Variants in TRPA1 observed in about 807,000 individuals in gnomAD.
The protein encoded by TRPA1 is transient receptor potential cation channel subfamily A member 1.
A neutral mutation model predicts 131.3 loss-of-function variants in TRPA1; 129 were observed. The ratio of observed to expected loss-of-function variants is 0.98; its 90% CI spans 0.85 to 1.14. TRPA1 has a LOEUF of 1.14. Ranked by LOEUF, TRPA1 falls within the 50% of genes most tolerant of loss-of-function variation. TRPA1 has a pLI of 0.00. For missense variants in TRPA1, 1,304 were observed against 1,354.2 expected, an observed-to-expected ratio of 0.96 and a Z score of 0.58; for synonymous variants, 441 against 451.7, an observed-to-expected ratio of 0.98 and a Z score of 0.30.
intron 17 of TRPA1, among the ~76,000 whole-genome samples, chr8:72,040,567 GAAAGA>G (rs1366925891): frequency 7.2e-5 from 11 of 152,106 alleles, no homozygotes; most frequent in Admixed American, 7.2e-4. Flanking sequence ...CCTGGAAAGA[GAAAGA>G]AAAGAGTGGA....
At chr8:72,024,562 C>A (rs748809139) in intron 25 of TRPA1, among the ~76,000 whole-genome samples, 10 of 152,066 alleles carry the variant, frequency 6.6e-5, no homozygotes, top group South Asian at 2.1e-4. Flanking sequence ...ATTGCACAGG[C>A]TAATGAATTG....
the TRPA1 span, among the ~76,000 whole-genome samples, chr8:72,089,668 A>G: frequency 6.6e-6 from 1 of 152,252 alleles, no homozygotes; most frequent in East Asian, 1.9e-4. Flanking sequence ...AATTCTAGAC[A>G]ACCACAGCTC....
intron 2 of TRPA1, among the ~76,000 whole-genome samples, chr8:72,069,533 C>T (rs2129436603): frequency 6.6e-6 from 1 of 152,064 alleles, no homozygotes; most frequent in African/African-American, 2.4e-5. Flanking sequence ...GAACTATGTC[C>T]CAGGCACTCT....
chr8:72,067,082 A>G (rs1805949166), intron 3 of TRPA1, among the ~76,000 whole-genome samples: 1 of 152,240 alleles, frequency 6.6e-6, no homozygotes, highest in African/African-American at 2.4e-5. Flanking sequence ...TCATTGTGCA[A>G]GAACTTGAAG....
rs557859299 is a variant in TRPA1, at chr8:72,055,567, T to C, written c.1398A>G (p.Leu466=). ...YGRINTCQRL[L]QDISDTRLLN... is the part of the protein sequence containing the mutation. ...GAAGCCTCGTATCACTTATGTCTTGTAGGAGCCTCTGACAGGTATTGATAC... is the reference window on the plus strand; with the variant it reads ...GAAGCCTCGTATCACTTATGTCTTGCAGGAGCCTCTGACAGGTATTGATAC... The change falls in exon 12 of 27, where the codon CTA becomes CTG. Residue 466 remains leucine (L), a synonymous_variant. Coordinates refer to ENST00000262209, the MANE Select transcript of TRPA1 (RefSeq NM_007332.3). 2 of 1,613,642 alleles carry C rather than the reference T, an allele frequency of 1.2e-6. No individual in the cohort carries two copies. The highest frequency in any genetic ancestry group is 2.2e-5 in the East Asian group (1 of 44,862).
At chr8:72,048,160 G>T (rs917304906) in intron 15 of TRPA1, among the ~76,000 whole-genome samples, 2 of 152,132 alleles carry the variant, frequency 1.3e-5, no homozygotes, top group Non-Finnish European at 2.9e-5. Context: ...TCTATGGTGT[G>T]TGGGAACAAC....
intron 17 of TRPA1, among the ~76,000 whole-genome samples, chr8:72,045,417 C>T (rs927907451): frequency 9.2e-5 from 14 of 151,494 alleles, no homozygotes; most frequent in African/African-American, 3.2e-4. Flanking sequence ...ATGTTTTCTA[C>T]CTGTGCAGTG....
the TRPA1 span, among the ~76,000 whole-genome samples, chr8:72,088,606 A>C: frequency 1.3e-5 from 2 of 152,110 alleles, no homozygotes; most frequent in Non-Finnish European, 2.9e-5. Flanking sequence ...GCTAATGTTC[A>C]TTGAGAGTCT....
At chr8:72,025,419 T>C (rs62519223) in intron 25 of TRPA1, among the ~76,000 whole-genome samples, 27,038 of 151,952 alleles carry the variant, frequency 0.18, 2,835 homozygotes, top group East Asian at 0.3. Flanking sequence ...TGAGGCCTCC[T>C]CAGCCATGCA....
chr8:72,030,530 G>A (rs1046547167), intron 23 of TRPA1, among the ~76,000 whole-genome samples: 7 of 152,182 alleles, frequency 4.6e-5, no homozygotes, highest in African/African-American at 1.7e-4. Context: ...GCCACATTCA[G>A]AGGTTCAGTA....
chr8:72,062,953 G>T lies in TRPA1; in HGVS notation c.662-9C>A. On this transcript the variant is annotated splice_polypyrimidine_tract_variant and intron_variant, in intron 5 of 26. Transcript: ENST00000262209. ...GTACCCATGCTCTTCACCTTGAGAA[G>T]AAAATAACATTCAACATAACAAATA... is the stretch of plus-strand genomic sequence containing the variant. 2 of 1,612,264 alleles carry T rather than the reference G, an allele frequency of 1.2e-6. No individual in the cohort carries two copies. The highest frequency in any genetic ancestry group is 1.1e-5 in the South Asian group (1 of 90,924).
intron 2 of TRPA1, among the ~76,000 whole-genome samples, chr8:72,070,725 C>G (rs1193060259): frequency 6.6e-6 from 1 of 152,172 alleles, no homozygotes; most frequent in East Asian, 1.9e-4. Context: ...TCTTAGCTAC[C>G]TTTGCTAGCA....
chr8:72,034,175 T>G lies in TRPA1; in HGVS notation c.2685+73A>C, dbSNP rs997552550. ...ATGTAATTATGCATTTTCTAGACTATTTAGATTTAAATATAAATATATATT... is the reference window on the plus strand; with the variant it reads ...ATGTAATTATGCATTTTCTAGACTAGTTAGATTTAAATATAAATATATATT... On this transcript the variant is annotated intron_variant, in intron 22 of 26. Transcript: ENST00000262209. The G allele has an allele frequency of 7.1e-6, 10 of 1,405,900 alleles. No individual in the cohort carries two copies. The African/African-American group carries it at 1.2e-4, about 16-fold the overall frequency. 87.1% of individuals were successfully genotyped at this position (1,405,900 alleles called of 1,614,324 possible). A position where few individuals can be genotyped will look rare whatever the true frequency, so the allele number is the denominator to read the frequency against.
the TRPA1 span, among the ~76,000 whole-genome samples, chr8:72,081,768 C>CTTTTTTTTTTTTTTTTTTTTTT: frequency 6.6e-6 from 1 of 151,474 alleles, no homozygotes; most frequent in Non-Finnish European, 1.5e-5. Flanking sequence ...AGTAATATTT[C>CTTTTTTTTTTTTTTTTTTTTTT]TTATTTTAAA....
intron 21 of TRPA1, among the ~76,000 whole-genome samples, chr8:72,035,104 A>C (rs1268444733): frequency 6.6e-6 from 1 of 152,216 alleles, no homozygotes; most frequent in Admixed American, 6.5e-5. Context: ...CCTGCATCCT[A>C]TATTGTGAAA....
At position 72,033,810 on chromosome 8, in the gene TRPA1, G is replaced by A. The variant is rs748149700; in HGVS notation, c.2702C>T (p.Pro901Leu). The A allele has an allele frequency of 6.2e-6, 10 of 1,613,842 alleles. No homozygotes were observed. The highest frequency in any genetic ancestry group is 8.5e-6 in the Non-Finnish European group (10 of 1,179,948). Reference protein sequence around the residue: ...LLNLQDPFSSPLLSIIQTFSM... With the variant: ...LLNLQDPFSSLLLSIIQTFSM... ...GAAGGTCTGGATTATAGAAAGCAAT[G>A]GAGAGCTGAAGGGATCCTGAAAGCA... Residue 901 changes from proline (P) to leucine (L), a missense_variant, in exon 23 of 27, where the codon CCA becomes CTA. Pro to Leu is a moderately conservative substitution (Grantham distance 98, BLOSUM62 -3). Transcript: ENST00000262209.
At chr8:72,060,968 G>A (rs1228331160) in intron 7 of TRPA1, among the ~76,000 whole-genome samples, 2 of 151,676 alleles carry the variant, frequency 1.3e-5, no homozygotes, top group Non-Finnish European at 2.9e-5. Context: ...GCACGTGTGT[G>A]TGGAAGAGAC....
At chr8:72,043,765 G>C (rs1428686456) in intron 17 of TRPA1, among the ~76,000 whole-genome samples, 1 of 151,724 alleles carries the variant, frequency 6.6e-6, no homozygotes, top group Non-Finnish European at 1.5e-5. Flanking sequence ...ATAGGTTTTT[G>C]CACTAAACAC....
intron 12 of TRPA1, chr8:72,054,077 G>A (rs534940730): frequency 4.7e-5 from 27 of 570,138 alleles, no homozygotes; most frequent in South Asian, 2.9e-4. Flanking sequence ...ATTCATACAC[G>A]TTTTTTACTT....
Sources: gnomAD v4.1 joint callset for allele counts (sites outside exome capture counted in the v4.1 genomes callset) on GRCh38, gnomAD v4.1.1 for gene constraint, MANE v1.5 for transcripts, NCBI Gene and HGNC (gene_info 2026-07-23, HGNC 2026-07-21) for gene names.